ZBTB41: variants seen among roughly 807,000 people sequenced by gnomAD.
ZBTB41 encodes zinc finger and BTB domain-containing protein 41.
In ZBTB41, 42 loss-of-function variants were observed where a neutral mutation model predicts 87.6. That is an observed-to-expected ratio of 0.48 (90% CI 0.37 to 0.62). The LOEUF is 0.62. Ranked by LOEUF, ZBTB41 falls within the 20% of genes least tolerant of loss-of-function variation. The probability of loss-of-function intolerance (pLI) is 0.00; values close to 1 mark genes in which losing one functional copy is unlikely to be tolerated. For synonymous variants in ZBTB41, 364 were observed against 364.0 expected (o/e 1.00, Z 0.00); for missense variants, 799 against 1,078.9 (o/e 0.74, Z 3.63).
intron 5 of ZBTB41, among the ~76,000 whole-genome samples, chr1:197,181,806 G>A (rs1659755128): frequency 6.6e-6 from 1 of 152,098 alleles, no homozygotes. Flanking sequence ...ATTCAGAAAC[G>A]TAACTATAAG....
rs1659500100 is a variant in ZBTB41 at position 197,172,250 on chromosome 1, T to A, written c.1986-2A>T. 1 of 1,206,444 alleles carries A rather than the reference T, an allele frequency of 8.3e-7. No homozygotes were observed. The highest frequency in any genetic ancestry group is 1.1e-6 in the Non-Finnish European group (1 of 908,344). 74.7% of individuals were successfully genotyped at this position (1,206,444 alleles called of 1,614,324 possible). On this transcript the variant is annotated splice_acceptor_variant, in intron 9 of 10. Transcript: ENST00000367405. LOFTEE classifies it high-confidence loss of function. The stretch of plus-strand genomic sequence containing the variant: ...CATTGATGAAATGTTGCTTTATATC[T>A]AAGAAAATAAAAAGATTTGAGTTTT...
At chr1:197,200,824 T>A (rs1652744734) in intron 1 of ZBTB41, among the ~76,000 whole-genome samples, 1 of 152,182 alleles carries the variant, frequency 6.6e-6, no homozygotes, top group East Asian at 1.9e-4. Flanking sequence ...CAGGCCTGAT[T>A]CACGAACAGG....
intron 10 of ZBTB41, among the ~76,000 whole-genome samples, chr1:197,166,129 G>A (rs370374932): frequency 7.9e-5 from 12 of 151,980 alleles, no homozygotes; most frequent in African/African-American, 2.4e-4. Context: ...ACCATAGCAC[G>A]TGTATACCTA....
At chr1:197,187,587 T>C (rs1659917327) in intron 5 of ZBTB41, among the ~76,000 whole-genome samples, 1 of 152,242 alleles carries the variant, frequency 6.6e-6, no homozygotes, top group East Asian at 1.9e-4. Context: ...TATTGTTGTA[T>C]TGTTATGTTT....
At chr1:197,197,455 G>A (rs1428651626) in intron 2 of ZBTB41, among the ~76,000 whole-genome samples, 1 of 150,998 alleles carries the variant, frequency 6.6e-6, no homozygotes, top group African/African-American at 2.4e-5. Flanking sequence ...CATTCAGAAA[G>A]GTCAGTCAGA....
chr1:197,178,921 G>A (rs138296152), intron 6 of ZBTB41, among the ~76,000 whole-genome samples: 5 of 152,212 alleles, frequency 3.3e-5, no homozygotes, highest in African/African-American at 9.6e-5. Context: ...TTGAAAAAAT[G>A]TTTTAAAGCA....
intron 5 of ZBTB41, among the ~76,000 whole-genome samples, chr1:197,185,616 AC>A (rs1048231293): frequency 7.3e-5 from 11 of 151,172 alleles, no homozygotes; most frequent in Admixed American, 2.0e-4. Flanking sequence ...AACCAAAAAA[AC>A]CCCCCAACAC....
Position 197,191,899 on chromosome 1 carries a change from C to A in ZBTB41, c.1121G>T (p.Gly374Val). The change falls in exon 3 of 11, where the codon GGA becomes GTA. Residue 374 changes from glycine to valine, a missense_variant and splice_region_variant. Gly to Val is a moderately radical substitution (Grantham distance 109). This residue lies in a region of ZBTB41 where 294 missense variants were observed against 340.1 expected (regional missense o/e 0.86). Coordinates refer to ENST00000367405, the MANE Select transcript of ZBTB41 (RefSeq NM_194314.3). The part of the protein sequence containing the change: ...PKCDKTFDRI[G>V]KYESHTRVHT... The stretch of plus-strand genomic sequence containing the variant: ...AACACGGGTGTGGCTCTCATATTTT[C>A]CTATAAAAAAAGAAAAATTAAAATT... 1.3e-6 allele frequency: 2 copies of A among 1,571,464 alleles called. No homozygotes were observed. Among genetic ancestry groups the A allele is most frequent in the Non-Finnish European group, 1.7e-6 (2 of 1,162,998 alleles).
At chr1:197,200,856 G>A (rs1380432945) in intron 1 of ZBTB41, among the ~76,000 whole-genome samples, 1 of 152,212 alleles carries the variant, frequency 6.6e-6, no homozygotes, top group Non-Finnish European at 1.5e-5. Flanking sequence ...CGGGCAGAAA[G>A]GGGAGAGATC....
At chr1:197,180,836 T>G in intron 6 of ZBTB41, 152 bp downstream of exon 6, 1 of 779,296 alleles carries the variant, frequency 1.3e-6, no homozygotes. Context: ...TTCCATAACA[T>G]TTGTGTAATT....
At chr1:197,167,749 TCTGA>T (rs1198391990) in intron 10 of ZBTB41, among the ~76,000 whole-genome samples, 7 of 152,314 alleles carry the variant, frequency 4.6e-5, no homozygotes, top group African/African-American at 1.4e-4. Flanking sequence ...AATTTCCTTA[TCTGA>T]CTATCTACAA....
chr1:197,159,203 A>T lies in ZBTB41; in HGVS notation c.*156T>A. 1 of 691,922 alleles carries T rather than the reference A, an allele frequency of 1.4e-6. No individual in the cohort carries two copies. Among genetic ancestry groups the T allele is most frequent in the Non-Finnish European group, 2.3e-6 (1 of 425,560 alleles). 42.9% of individuals were successfully genotyped at this position (691,922 alleles called of 1,614,324 possible). On this transcript the variant is annotated 3_prime_UTR_variant, in exon 11 of 11. Transcript: ENST00000367405. ...AAATTTTGTCCAAATATTCATGTTC[A>T]GTAAACAGAGACACATAGTTTTCTT... is the stretch of plus-strand genomic sequence containing the variant.
intron 2 of ZBTB41, among the ~76,000 whole-genome samples, chr1:197,192,727 T>C (rs998826253): frequency 6.6e-6 from 1 of 152,130 alleles, no homozygotes; most frequent in African/African-American, 2.4e-5. Flanking sequence ...TGAAAACTAA[T>C]GTGAAAGTAT....
At chr1:197,189,680 C>T (rs574385306) in intron 4 of ZBTB41, among the ~76,000 whole-genome samples, 1 of 152,186 alleles carries the variant, frequency 6.6e-6, no homozygotes, top group South Asian at 2.1e-4. Flanking sequence ...TTTGTTTGGC[C>T]AACAAAATGT....
intron 5 of ZBTB41, among the ~76,000 whole-genome samples, chr1:197,182,965 C>G (rs1659790718): frequency 6.6e-6 from 1 of 152,026 alleles, no homozygotes; most frequent in Non-Finnish European, 1.5e-5. Context: ...CTGAAGTGTA[C>G]AGTGATTCAA....
At chr1:197,189,935 T>G (rs1309078177) in intron 4 of ZBTB41, among the ~76,000 whole-genome samples, 1 of 152,110 alleles carries the variant, frequency 6.6e-6, no homozygotes, top group Non-Finnish European at 1.5e-5. Context: ...TTTGTTTTTT[T>G]TGAGATGGAG....
chr1:197,175,099 C>A lies in ZBTB41; in HGVS notation c.1896G>T (p.Gln632His), dbSNP rs574375370. The change falls in exon 9 of 11, where the codon CAG (glutamine) becomes CAT (histidine). Residue 632 changes from glutamine (Q) to histidine (H), a missense_variant. By Grantham distance (24) the Gln-to-His change is conservative (BLOSUM62 0). This residue lies in a region of ZBTB41 where 198 missense variants were observed against 358.4 expected (regional missense o/e 0.55). Coordinates refer to ENST00000367405, the MANE Select transcript of ZBTB41 (RefSeq NM_194314.3). ...CAAAACATTTTCCACATTCTTCACA[C>A]TGATGAGCTTTTTCACCTTAAAATA... ...KKIHSGEKAH[Q>H]CEECGKCFGR... 1 of 1,610,586 alleles carries A rather than the reference C, an allele frequency of 6.2e-7. No individual in the cohort carries two copies. The highest frequency in any genetic ancestry group is 1.3e-5 in the African/African-American group (1 of 74,726).
Position 197,158,349 on chromosome 1 carries a change from C to T in ZBTB41, c.*1010G>A, listed in dbSNP as rs1387196698. On this transcript the variant is annotated 3_prime_UTR_variant, in exon 11 of 11. Coordinates refer to ENST00000367405, the MANE Select transcript of ZBTB41 (RefSeq NM_194314.3). ...TTAAACAATGTTAAGTTAAATTAGG[C>T]ACAAATTTCATAATCTGTTTGGCAC... 6.6e-6 allele frequency: 1 copy of T among 152,360 alleles called. No individual in the cohort carries two copies. The highest frequency in any genetic ancestry group is 2.4e-5 in the African/African-American group (1 of 41,416). 9.4% of individuals were successfully genotyped at this position (152,360 alleles called of 1,614,324 possible). A position where few individuals can be genotyped will look rare whatever the true frequency, so the allele number is the denominator to read the frequency against.
At chr1:197,190,165 C>G (rs1295938391) in intron 4 of ZBTB41, among the ~76,000 whole-genome samples, 4 of 152,122 alleles carry the variant, frequency 2.6e-5, no homozygotes, top group Non-Finnish European at 5.9e-5. Context: ...AGGTGATCCA[C>G]TCGCCTAGGC....
Sources: allele counts gnomAD v4.1 joint callset (sites outside exome capture counted in the v4.1 genomes callset), GRCh38; gene constraint gnomAD v4.1.1; regional missense constraint gnomAD v4.1.1; transcripts MANE v1.5; gene names NCBI Gene and HGNC (gene_info 2026-07-23, HGNC 2026-07-21).